COL24A1: variants seen among roughly 807,000 people sequenced by gnomAD.
COL24A1 encodes the protein collagen type XXIV alpha 1 chain.
COL24A1 carries 224 observed loss-of-function variants against 253.9 expected under a neutral mutation model. That is an observed-to-expected ratio of 0.88 (90% CI 0.79 to 0.99). COL24A1 has a LOEUF of 0.99. Among genes scored for constraint, COL24A1 ranks in the 50% least tolerant of loss-of-function variants. The pLI is 0.00. For synonymous variants in COL24A1, 685 were observed against 673.7 expected (o/e 1.02, Z -0.26); for missense variants, 2,131 against 2,068.5 (o/e 1.03, Z -0.59).
intron 5 of COL24A1, among the ~76,000 whole-genome samples, chr1:86,096,916 T>C (rs1703928718): frequency 6.6e-6 from 1 of 152,182 alleles, no homozygotes; most frequent in South Asian, 2.1e-4. Flanking sequence ...AGTGATCTTG[T>C]TTTTAATTTT....
intron 41 of COL24A1, 100 bp downstream of exon 41, chr1:85,841,968 C>T (rs1475053786): frequency 8.2e-6 from 8 of 971,514 alleles, no homozygotes; most frequent in African/African-American, 8.2e-5. Flanking sequence ...TTTAAAAGTG[C>T]TTCTTTTATT....
At chr1:85,893,986 C>T (rs186169931) in intron 31 of COL24A1, among the ~76,000 whole-genome samples, 3 of 152,260 alleles carry the variant, frequency 2.0e-5, no homozygotes, top group Admixed American at 2.0e-4. Context: ...GGAGCATACA[C>T]TAGACCAAAG....
intron 24 of COL24A1, among the ~76,000 whole-genome samples, chr1:85,930,106 A>C (rs922875701): frequency 2.7e-5 from 2 of 72,754 alleles, no homozygotes; most frequent in Non-Finnish European, 5.2e-5. Context: ...AAGGAAATAG[A>C]GACACAAAAA....
intron 37 of COL24A1, among the ~76,000 whole-genome samples, chr1:85,860,963 T>A: frequency 6.6e-6 from 1 of 152,358 alleles, no homozygotes; most frequent in South Asian, 2.1e-4. Context: ...TCATGTGCTG[T>A]GAAAATTCAT....
chr1:85,902,903 G>A (rs1345429048), intron 28 of COL24A1, among the ~76,000 whole-genome samples: 1 of 152,042 alleles, frequency 6.6e-6, no homozygotes, highest in Non-Finnish European at 1.5e-5. Context: ...CAGAAGAGTG[G>A]ACTTGAAATG....
chr1:85,783,732 A>G (rs1244749746), intron 50 of COL24A1, among the ~76,000 whole-genome samples, 174 bp from the exon 51 acceptor site: 1 of 152,210 alleles, frequency 6.6e-6, no homozygotes, highest in Non-Finnish European at 1.5e-5. Flanking sequence ...TTAGAAATAC[A>G]CCAATGAAGG....
intron 39 of COL24A1, among the ~76,000 whole-genome samples, chr1:85,844,058 C>CT (rs1676912311): frequency 6.6e-6 from 1 of 151,304 alleles, no homozygotes; most frequent in African/African-American, 2.4e-5. Context: ...AGTAGCTTAG[C>CT]TAACAACTTG....
chr1:85,963,864 A>G (rs556320890), intron 23 of COL24A1, among the ~76,000 whole-genome samples: 1 of 152,164 alleles, frequency 6.6e-6, no homozygotes, highest in Non-Finnish European at 1.5e-5. Flanking sequence ...TTGGCAGTCT[A>G]GTAAAGGAGA....
At chr1:85,881,661 C>T (rs1357751890) in intron 32 of COL24A1, among the ~76,000 whole-genome samples, 1 of 152,062 alleles carries the variant, frequency 6.6e-6, no homozygotes, top group Admixed American at 6.6e-5. Context: ...TAGAATTGCT[C>T]ATAATATCCA....
At chr1:86,111,618 G>A (rs534841313) in intron 5 of COL24A1, among the ~76,000 whole-genome samples, 3 of 152,156 alleles carry the variant, frequency 2.0e-5, no homozygotes, top group Admixed American at 2.0e-4. Context: ...AGCCCACAGG[G>A]GCAACTGGCT....
At chr1:85,971,288 A>C in intron 21 of COL24A1, 52 bp downstream of exon 21, 1 of 1,516,776 alleles carries the variant, frequency 6.6e-7, no homozygotes, top group Non-Finnish European at 9.1e-7. Context: ...AAAAAGGGAA[A>C]ATTTTAACTA....
intron 8 of COL24A1, among the ~76,000 whole-genome samples, chr1:86,060,901 C>T (rs1701040714): frequency 6.6e-6 from 1 of 151,636 alleles, no homozygotes; most frequent in Non-Finnish European, 1.5e-5. Flanking sequence ...TATATATTTA[C>T]ATAATATTTT....
At chr1:85,810,027 A>T (rs1364855758) in intron 47 of COL24A1, among the ~76,000 whole-genome samples, 2 of 151,544 alleles carry the variant, frequency 1.3e-5, no homozygotes, top group Non-Finnish European at 2.9e-5. Context: ...TGATTATCCT[A>T]GGTGAGGAAG....
intron 5 of COL24A1, among the ~76,000 whole-genome samples, chr1:86,105,192 C>T (rs764404342): frequency 2.0e-5 from 3 of 152,098 alleles, no homozygotes; most frequent in Admixed American, 6.5e-5. Context: ...GCTGCAATAG[C>T]GGTATGGCAG....
chr1:85,787,338 A>G (rs1669789208), intron 47 of COL24A1, among the ~76,000 whole-genome samples: 1 of 151,926 alleles, frequency 6.6e-6, no homozygotes, highest in Non-Finnish European at 1.5e-5. Context: ...TGCATTAGCT[A>G]TTTTTCCTAA....
intron 24 of COL24A1, among the ~76,000 whole-genome samples, chr1:85,924,304 T>G (rs1381374658): frequency 6.6e-6 from 1 of 152,174 alleles, no homozygotes; most frequent in East Asian, 1.9e-4. Context: ...GAGGGACTCC[T>G]CCTTAACTTA....
intron 58 of COL24A1, chr1:85,736,577 T>C (rs1413465696): frequency 2.3e-6 from 1 of 441,694 alleles, no homozygotes; most frequent in Non-Finnish European, 4.6e-6. Context: ...GATAAATTGA[T>C]GGAATGCCCT....
chr1:85,737,621 C>G, intron 57 of COL24A1, 116 bp from the exon 58 acceptor site: 1 of 671,716 alleles, frequency 1.5e-6, no homozygotes, highest in Admixed American at 3.3e-5. Context: ...TGGAGTGCAG[C>G]GGTGCGATCT....
chr1:86,110,231 T>TTATTCCCA (rs2102132918), intron 5 of COL24A1, among the ~76,000 whole-genome samples: 1 of 151,820 alleles, frequency 6.6e-6, no homozygotes, highest in South Asian at 2.1e-4. Context: ...ATATTTCATT[T>TTATTCCCA]TAGTGGGAAA....
Sources: allele counts gnomAD v4.1 joint callset (sites outside exome capture counted in the v4.1 genomes callset), GRCh38; gene constraint gnomAD v4.1.1; transcripts MANE v1.5; gene names NCBI Gene and HGNC (gene_info 2026-07-23, HGNC 2026-07-21).